Variants in SNX3 observed in about 807,000 individuals in gnomAD.
SNX3 encodes the protein sorting nexin-3.
SNX3 carries 5 observed loss-of-function variants against 17.7 expected under a neutral mutation model. That is an observed-to-expected ratio of 0.28 (90% confidence interval 0.15 to 0.59). The LOEUF (loss-of-function observed/expected upper bound fraction) is 0.59. SNX3 is among the 20% of genes least tolerant of loss of function. The pLI is 0.88. For synonymous variants in SNX3, 91 were observed against 76.5 expected (o/e 1.19, Z -0.99); for missense variants, 132 against 206.8 (o/e 0.64, Z 2.22).
intron 1 of SNX3, among the ~76,000 whole-genome samples, chr6:108,248,707 A>G: frequency 6.6e-6 from 1 of 152,222 alleles, no homozygotes; most frequent in East Asian, 1.9e-4. Flanking sequence ...TCAATTCACT[A>G]TGTTGTCCCA....
intron 2 of SNX3, 67 bp from the exon 3 acceptor site, chr6:108,214,689 A>G: frequency 6.6e-7 from 1 of 1,523,994 alleles, no homozygotes. Context: ...AGAGCACAAC[A>G]TGAAGACAAA....
At chr6:108,222,339 G>A (rs1459276547) in intron 2 of SNX3, 2 of 1,303,314 alleles carry the variant, frequency 1.5e-6, no homozygotes, top group Non-Finnish European at 2.0e-6. Flanking sequence ...AGAGACACCA[G>A]AGTGAGACCT....
chr6:108,228,408 G>C (rs1775036436), intron 1 of SNX3, among the ~76,000 whole-genome samples: 1 of 152,146 alleles, frequency 6.6e-6, no homozygotes, highest in Admixed American at 6.5e-5. Flanking sequence ...AATTAGCCAG[G>C]CATGGTGGCG....
chr6:108,241,445 C>CA (rs1209924149), intron 1 of SNX3, among the ~76,000 whole-genome samples: 2 of 151,988 alleles, frequency 1.3e-5, no homozygotes, highest in African/African-American at 4.8e-5. Context: ...TGCTTGAGGC[C>CA]AGGAGTTCAA....
chr6:108,257,513 C>T (rs949356327), intron 1 of SNX3, among the ~76,000 whole-genome samples: 3 of 151,954 alleles, frequency 2.0e-5, no homozygotes, highest in African/African-American at 7.3e-5. Context: ...ACTCTTATCT[C>T]AAGAAGAAAA....
chr6:108,251,741 A>G (rs1366726412), intron 1 of SNX3, among the ~76,000 whole-genome samples: 1 of 152,190 alleles, frequency 6.6e-6, no homozygotes, highest in Non-Finnish European at 1.5e-5. Context: ...TTACTAACAC[A>G]TTCCAAATTC....
intron 1 of SNX3, among the ~76,000 whole-genome samples, chr6:108,229,504 C>A (rs1254593752): frequency 7.0e-6 from 1 of 142,132 alleles, no homozygotes; most frequent in Non-Finnish European, 1.5e-5. Flanking sequence ...AACTCCTGGG[C>A]TCAAGGGATC....
chr6:108,254,917 A>T (rs1271145337), intron 1 of SNX3, among the ~76,000 whole-genome samples: 1 of 152,216 alleles, frequency 6.6e-6, no homozygotes, highest in Non-Finnish European at 1.5e-5. Flanking sequence ...ATTGGGAGAT[A>T]CCAGTTCAGG....
chr6:108,257,329 G>A (rs1776059648), intron 1 of SNX3, among the ~76,000 whole-genome samples: 1 of 152,072 alleles, frequency 6.6e-6, no homozygotes, highest in African/African-American at 2.4e-5. Context: ...AGACCATCAT[G>A]GGCAACATAG....
intron 1 of SNX3, among the ~76,000 whole-genome samples, chr6:108,226,676 T>C (rs1191459813): frequency 6.6e-6 from 1 of 152,230 alleles, no homozygotes; most frequent in African/African-American, 2.4e-5. Flanking sequence ...ACTTATTTGT[T>C]AAGCTTAATG....
At chr6:108,256,127 G>T (rs1204784975) in intron 1 of SNX3, among the ~76,000 whole-genome samples, 9 of 152,122 alleles carry the variant, frequency 5.9e-5, no homozygotes, top group Admixed American at 5.9e-4. Context: ...CTAGTAGAGA[G>T]GCTGAGGTTG....
At chr6:108,238,503 G>A (rs1192949936) in intron 1 of SNX3, among the ~76,000 whole-genome samples, 1 of 152,154 alleles carries the variant, frequency 6.6e-6, no homozygotes, top group African/African-American at 2.4e-5. Context: ...GGTGGCATGT[G>A]CCTGTAGTCC....
chr6:108,244,656 T>TG (rs1356557972), intron 1 of SNX3, among the ~76,000 whole-genome samples: 1 of 144,468 alleles, frequency 6.9e-6, no homozygotes, highest in African/African-American at 2.6e-5. Context: ...AGTTTTTTTT[T>TG]TTTTTTTTTT....
At chr6:108,250,036 G>C (rs927663315) in intron 1 of SNX3, among the ~76,000 whole-genome samples, 2 of 152,054 alleles carry the variant, frequency 1.3e-5, no homozygotes, top group Non-Finnish European at 2.9e-5. Context: ...TCAGGTTCCT[G>C]AGTAGCTGGG....
chr6:108,232,196 G>A (rs1775182751), intron 1 of SNX3, among the ~76,000 whole-genome samples: 1 of 152,080 alleles, frequency 6.6e-6, no homozygotes, highest in Non-Finnish European at 1.5e-5. Flanking sequence ...AAACTGCAAA[G>A]CAATAAAATG....
intron 1 of SNX3, among the ~76,000 whole-genome samples, chr6:108,255,828 C>T (rs536624021): frequency 2.0e-4 from 31 of 152,250 alleles, no homozygotes; most frequent in Admixed American, 1.2e-3. Context: ...AAGTTTAGAA[C>T]GGCAAGCACT....
chr6:108,244,658 T>TG (rs1562435753), intron 1 of SNX3, among the ~76,000 whole-genome samples: 1 of 145,114 alleles, frequency 6.9e-6, no homozygotes, highest in Non-Finnish European at 1.5e-5. Context: ...TTTTTTTTTT[T>TG]TTTTTTTTTT....
At chr6:108,214,834 G>A (rs576147530) in intron 2 of SNX3, among the ~76,000 whole-genome samples, 13 of 152,130 alleles carry the variant, frequency 8.5e-5, no homozygotes, top group Non-Finnish European at 1.5e-4. Flanking sequence ...TAATTCAAAG[G>A]CAGGGCCCAT....
intron 1 of SNX3, among the ~76,000 whole-genome samples, chr6:108,231,049 G>A (rs931820788): frequency 1.3e-5 from 2 of 151,208 alleles, no homozygotes; most frequent in East Asian, 1.9e-4. Context: ...GGAGCACAGA[G>A]GCAACATCCT....
Sources: gnomAD v4.1 joint callset for allele counts (sites outside exome capture counted in the v4.1 genomes callset) on GRCh38, gnomAD v4.1.1 for gene constraint, MANE v1.5 for transcripts, NCBI Gene and HGNC (gene_info 2026-07-23, HGNC 2026-07-21) for gene names.